DOCK3: variants seen among roughly 807,000 people sequenced by gnomAD.
DOCK3 encodes the protein dedicator of cytokinesis protein 3.
In DOCK3, 60 loss-of-function variants were observed where a neutral mutation model predicts 265.6. The observed-to-expected ratio is 0.23, with a 90% CI of 0.18 to 0.28. The LOEUF is 0.28. DOCK3 is among the 10% of genes least tolerant of loss of function. The pLI is 1.00. For missense variants in DOCK3, 1,981 were observed against 2,594.3 expected (o/e 0.76, Z 5.14); for synonymous variants, 881 against 938.0 (o/e 0.94, Z 1.11).
intron 1 of DOCK3, among the ~76,000 whole-genome samples, chr3:50,752,407 G>A (rs538378229): frequency 6.6e-6 from 1 of 152,130 alleles, no homozygotes; most frequent in African/African-American, 2.4e-5. Flanking sequence ...TACTCGGGAG[G>A]CTGAGGCAGG....
chr3:51,355,021 A>C lies in DOCK3; in HGVS notation c.4247A>C (p.Gln1416Pro), dbSNP rs777727055. Residue 1416 changes from glutamine (Q) to proline (P), a missense_variant and splice_region_variant, in exon 41 of 53, where the codon CAG (glutamine) becomes CCG (proline). Gln to Pro is a moderately conservative substitution (Grantham distance 76). Transcript: ENST00000266037. ...GACGCCATCCTACAGTGCGATGCCC[A>C]GTGTATCCTTTGATACTGGGTGGGA... ...PDDAILQCDAQYLQIYAVTPI... is the reference protein window; with the variant it reads ...PDDAILQCDAPYLQIYAVTPI... The C allele has an allele frequency of 6.2e-7, 1 of 1,613,398 alleles. No individual in the cohort carries two copies. The highest frequency in any genetic ancestry group is 1.1e-5 in the South Asian group (1 of 91,042).
chr3:51,141,082 A>G (rs1251027078), intron 9 of DOCK3, among the ~76,000 whole-genome samples: 1 of 150,962 alleles, frequency 6.6e-6, no homozygotes, highest in African/African-American at 2.5e-5. Context: ...ATAGTTTTTT[A>G]CTGTAATGAA....
In DOCK3 at chr3:51,362,689, G is replaced by T; in HGVS notation, c.5293+15G>T. ...CAGTGCCCGAGGTAAGGATGGCAGGGTGCTACTTGCAGAATGGAGAAGAGA... is the reference window on the plus strand; with the variant it reads ...CAGTGCCCGAGGTAAGGATGGCAGGTTGCTACTTGCAGAATGGAGAAGAGA... On this transcript the variant is annotated intron_variant, in intron 49 of 52. Transcript: ENST00000266037. 6.2e-7 allele frequency: 1 copy of T among 1,611,164 alleles called. No individual in the cohort carries two copies. The highest frequency in any genetic ancestry group is 8.5e-7 in the Non-Finnish European group (1 of 1,178,710).
intron 35 of DOCK3, among the ~76,000 whole-genome samples, chr3:51,334,305 G>A (rs1322785227): frequency 6.6e-6 from 1 of 152,194 alleles, no homozygotes; most frequent in Non-Finnish European, 1.5e-5. Flanking sequence ...GGAGGAAGGT[G>A]AGGAGAAATG....
In DOCK3 at chr3:50,979,134, C is replaced by T. The variant is rs571000188; in HGVS notation, c.315+45057C>T. Among the ~76,000 whole-genome samples the T allele has an allele frequency of 5.9e-5, 9 of 152,254 alleles. No homozygotes were observed. The East Asian group carries it at 1.5e-3, about 26-fold the overall frequency. On this transcript the variant is annotated intron_variant, in intron 5 of 52. Coordinates refer to ENST00000266037, the MANE Select transcript of DOCK3 (RefSeq NM_004947.5). ...CGCCGCTCACGCTGGGAGCTGTAGA[C>T]CGGAGCTGTTCCTATTCGGCCATCT...
intron 5 of DOCK3, among the ~76,000 whole-genome samples, chr3:51,025,726 G>A (rs2079785831): frequency 6.6e-6 from 1 of 152,206 alleles, no homozygotes; most frequent in Non-Finnish European, 1.5e-5. Flanking sequence ...GCTCCTGTGA[G>A]ATATAGTCAG....
intron 3 of DOCK3, chr3:50,877,619 C>T: frequency 4.0e-6 from 2 of 494,060 alleles, no homozygotes; most frequent in South Asian, 1.5e-5. Flanking sequence ...TTCTGTAGTG[C>T]ACCATTATCT....
intron 6 of DOCK3, among the ~76,000 whole-genome samples, chr3:51,066,427 A>G: frequency 6.6e-6 from 1 of 152,226 alleles, no homozygotes; most frequent in East Asian, 1.9e-4. Flanking sequence ...TCCTCTCACA[A>G]AAGAATAAGT....
intron 4 of DOCK3, among the ~76,000 whole-genome samples, chr3:50,898,352 A>G (rs1027164442): frequency 6.6e-6 from 1 of 152,000 alleles, no homozygotes; most frequent in Non-Finnish European, 1.5e-5. Context: ...TATTGGGTCT[A>G]TTGGATTCTT....
intron 4 of DOCK3, among the ~76,000 whole-genome samples, chr3:50,918,822 T>G (rs1389469773): frequency 1.3e-5 from 2 of 152,242 alleles, no homozygotes; most frequent in Non-Finnish European, 2.9e-5. Context: ...GTTTTAGTCA[T>G]GAAGTCCTTG....
chr3:51,173,166 G>A (rs1160294614), intron 12 of DOCK3, among the ~76,000 whole-genome samples: 1 of 152,072 alleles, frequency 6.6e-6, no homozygotes, highest in Non-Finnish European at 1.5e-5. Context: ...TGTCACCCAG[G>A]CTGGAGCACA....
At chr3:51,073,104 A>T (rs185194207) in intron 6 of DOCK3, among the ~76,000 whole-genome samples, 1 of 152,272 alleles carries the variant, frequency 6.6e-6, no homozygotes, top group East Asian at 1.9e-4. Context: ...ATAGATCTCA[A>T]ATGATTAAAG....
intron 5 of DOCK3, among the ~76,000 whole-genome samples, chr3:51,007,854 CCAG>C (rs1196043277): frequency 6.0e-4 from 91 of 152,256 alleles, no homozygotes; most frequent in African/African-American, 2.2e-3. Flanking sequence ...GCCAGTTTTC[CCAG>C]CACCATTTAT....
At chr3:51,246,699 G>T (rs1292738695) in intron 21 of DOCK3, 27 bp from the exon 22 acceptor site, 6 of 1,603,554 alleles carry the variant, frequency 3.7e-6, no homozygotes, top group East Asian at 4.5e-5. Context: ...ATTAAAGTGG[G>T]GTTTCTGGAA....
intron 27 of DOCK3, among the ~76,000 whole-genome samples, chr3:51,294,178 T>C (rs745729843): frequency 3.9e-5 from 6 of 152,100 alleles, no homozygotes; most frequent in Non-Finnish European, 5.9e-5. Flanking sequence ...AGCAGAGACA[T>C]GGAAAAAACC....
chr3:51,127,655 A>G (rs981409599), intron 9 of DOCK3, among the ~76,000 whole-genome samples: 6 of 152,236 alleles, frequency 3.9e-5, no homozygotes, highest in African/African-American at 7.2e-5. Flanking sequence ...GGAAATACTC[A>G]TGACAATTAC....
At chr3:51,264,466 A>G (rs933238840) in intron 23 of DOCK3, among the ~76,000 whole-genome samples, 2 of 152,186 alleles carry the variant, frequency 1.3e-5, no homozygotes, top group Non-Finnish European at 2.9e-5. Context: ...TCTAAAATTG[A>G]CACCCAAACA....
At chr3:51,372,142 A>G (rs1270655603) in intron 49 of DOCK3, among the ~76,000 whole-genome samples, 2 of 152,212 alleles carry the variant, frequency 1.3e-5, no homozygotes, top group Non-Finnish European at 2.9e-5. Flanking sequence ...GTGAGTTGAC[A>G]GCTCCCCCTG....
At position 51,288,885 on chromosome 3, in the gene DOCK3, GGTGTGTGTGTGTGTGTGGGTGTGT is replaced by G. The variant is rs1295242737; in HGVS notation, c.2922+8699_2922+8722del. On this transcript the variant is annotated intron_variant, in intron 27 of 52. Coordinates refer to ENST00000266037, the MANE Select transcript of DOCK3 (RefSeq NM_004947.5). ...AGCCTAGGAGAGGGGTGTTTGTGTG[GGTGTGTGTGTGTGTGTGGGTGTGT>G]GTGTGTGTGTGTGTGTGCCCATGTG... Among the ~76,000 whole-genome samples, 15 of 147,072 alleles carry G rather than the reference GGTGTGTGTGTGTGTGTGGGTGTGT, an allele frequency of 1.0e-4. No homozygotes were observed. The East Asian group carries it at 1.4e-3, about 13-fold the overall frequency.
Sources: gnomAD v4.1 joint callset for allele counts (sites outside exome capture counted in the v4.1 genomes callset) on GRCh38, gnomAD v4.1.1 for gene constraint, MANE v1.5 for transcripts, NCBI Gene and HGNC (gene_info 2026-07-23, HGNC 2026-07-21) for gene names.